The following BRSK2 variants were observed in gnomAD, a reference collection of about 807,000 sequenced individuals.
The protein encoded by BRSK2 is serine/threonine-protein kinase BRSK2.
BRSK2 carries 19 observed loss-of-function variants against 83.3 expected under a neutral mutation model. The observed-to-expected ratio is 0.23, with a 90% CI of 0.16 to 0.33. The LOEUF (loss-of-function observed/expected upper bound fraction) is 0.33. Among genes scored for constraint, BRSK2 ranks in the 10% least tolerant of loss-of-function variants. The probability of loss-of-function intolerance (pLI) is 1.00; values close to 1 mark genes in which losing one functional copy is unlikely to be tolerated. For synonymous variants in BRSK2, 519 were observed against 435.4 expected (o/e 1.19, Z -2.39); for missense variants, 798 against 1,042.3 (o/e 0.77, Z 3.23).
At position 1,438,013 on chromosome 11, in the gene BRSK2, GC is replaced by G. The variant is rs759796291; in HGVS notation, c.187-290del. The stretch of plus-strand genomic sequence containing the variant: ...CACCAGCCAGGGCCCCAGCTGAGCA[GC>G]CCACGTCCCTGCATCCCCCACAGCT... On this transcript the variant is annotated intron_variant, in intron 2 of 19. Coordinates refer to ENST00000528841, the MANE Select transcript of BRSK2 (RefSeq NM_001256627.2). This position sits in a 1 kb window ranked among gnomAD's most constrained non-coding sequence, Gnocchi z 6.4. Among the ~76,000 whole-genome samples the G allele has an allele frequency of 4.7e-4, 72 of 152,006 alleles. No individual in the cohort carries two copies. Among genetic ancestry groups the G allele is most frequent in the Non-Finnish European group, 9.1e-4 (62 of 67,966 alleles).
At chr11:1,392,967 G>A (rs1464880036) in intron 1 of BRSK2, among the ~76,000 whole-genome samples, 2 of 152,176 alleles carry the variant, frequency 1.3e-5, no homozygotes, top group East Asian at 3.9e-4. Flanking sequence ...AGCATCTGTG[G>A]AAGCCTCCTC....
chr11:1,426,574 G>A (rs1849255425), intron 1 of BRSK2, among the ~76,000 whole-genome samples: 1 of 152,136 alleles, frequency 6.6e-6, no homozygotes, highest in Non-Finnish European at 1.5e-5. Context: ...CTGGGAACTT[G>A]CAGAGGCCCT....
intron 13 of BRSK2, 115 bp downstream of exon 13, chr11:1,449,951 C>T (rs1845602447): frequency 2.9e-6 from 2 of 694,280 alleles, no homozygotes; most frequent in African/African-American, 1.8e-5. Flanking sequence ...CCCCAGGCGC[C>T]CCCCATGCCC....
chr11:1,415,435 T>C (rs981674444), intron 1 of BRSK2, among the ~76,000 whole-genome samples: 1 of 152,154 alleles, frequency 6.6e-6, no homozygotes, highest in Non-Finnish European at 1.5e-5. Flanking sequence ...TTTATTTTTC[T>C]GAGACAGGGT....
At chr11:1,412,894 T>G (rs1327669179) in intron 1 of BRSK2, among the ~76,000 whole-genome samples, 1 of 149,700 alleles carries the variant, frequency 6.7e-6, no homozygotes, top group Non-Finnish European at 1.5e-5. Context: ...GGCACAGTAG[T>G]GGCAGTCACT....
At chr11:1,411,785 T>G (rs917006043) in intron 1 of BRSK2, among the ~76,000 whole-genome samples, 4 of 152,174 alleles carry the variant, frequency 2.6e-5, no homozygotes, top group Non-Finnish European at 5.9e-5. Context: ...GTTCCTACGC[T>G]GGCGCTGCCT....
In BRSK2 at chr11:1,390,935, G is replaced by T. The variant is rs1372514331; in HGVS notation, c.91+560G>T. 6.6e-6 allele frequency among the ~76,000 whole-genome samples: 1 copy of T among 152,224 alleles called. No homozygotes were observed. Among genetic ancestry groups the T allele is most frequent in the Non-Finnish European group, 1.5e-5 (1 of 68,034 alleles). ...AGCGCCTTGCGCTGCTCCGGCTCGG[G>T]CTCGGGCGGGCGGAGCGTCTGTGAC... On this transcript the variant is annotated intron_variant, in intron 1 of 19. Transcript: ENST00000528841. This position sits in a 1 kb window ranked among gnomAD's most constrained non-coding sequence, Gnocchi z 6.8.
rs1323415330 is a variant in BRSK2 at position 1,443,471 on chromosome 11, A to C, written c.634-18A>C. 6.4e-7 allele frequency: 1 copy of C among 1,570,128 alleles called. No homozygotes were observed. The highest frequency in any genetic ancestry group is 8.6e-7 in the Non-Finnish European group (1 of 1,156,344). ...AACCTGCCCCCCCACGCTGACCCCC[A>C]CACCCGGCCGCCCGCAGGGGGCTCT... On this transcript the variant is annotated intron_variant, in intron 7 of 19. Coordinates refer to ENST00000528841, the MANE Select transcript of BRSK2 (RefSeq NM_001256627.2).
At chr11:1,446,003 G>T in intron 12 of BRSK2, 96 bp downstream of exon 12, 1 of 1,451,442 alleles carries the variant, frequency 6.9e-7, no homozygotes, top group Non-Finnish European at 9.1e-7. Context: ...CTGGGGTCTC[G>T]GCTGAGGCCA....
At chr11:1,458,206 G>A (rs907062786) in intron 18 of BRSK2, among the ~76,000 whole-genome samples, 2 of 152,032 alleles carry the variant, frequency 1.3e-5, no homozygotes, top group Non-Finnish European at 2.9e-5. Context: ...TGCCTCAGTC[G>A]AGCGCTCCTG....
intron 1 of BRSK2, among the ~76,000 whole-genome samples, chr11:1,406,466 T>C (rs941898496): frequency 1.1e-4 from 17 of 152,192 alleles, no homozygotes; most frequent in African/African-American, 3.9e-4. Flanking sequence ...AGCAAGACTC[T>C]GTCTCAATAA....
chr11:1,401,345 G>A (rs997654785), intron 1 of BRSK2, among the ~76,000 whole-genome samples: 1 of 152,232 alleles, frequency 6.6e-6, no homozygotes, highest in Non-Finnish European at 1.5e-5. Flanking sequence ...CCCGGGGTGC[G>A]GGTGCCCTCC....
intron 18 of BRSK2, among the ~76,000 whole-genome samples, chr11:1,457,352 C>T (rs1390073663): frequency 6.6e-6 from 1 of 152,228 alleles, no homozygotes; most frequent in Non-Finnish European, 1.5e-5. Flanking sequence ...TCCAGCAGGG[C>T]AGAGGGGCTT....
At chr11:1,427,621 G>A (rs558477374) in intron 1 of BRSK2, among the ~76,000 whole-genome samples, 4 of 152,368 alleles carry the variant, frequency 2.6e-5, no homozygotes, top group East Asian at 1.9e-4. Flanking sequence ...GTGAGCTGCT[G>A]TGCACCGCCT....
Position 1,461,292 on chromosome 11 carries a change from C to G in BRSK2, c.*569C>G. ...ACGTAGCCACAGGAACAGGCCCCGT[C>G]CACCGCCTCCACGCCGCACCTGGAG... On this transcript the variant is annotated 3_prime_UTR_variant, in exon 20 of 20. Transcript: ENST00000528841. The G allele has an allele frequency of 4.2e-6, 2 of 472,280 alleles. No homozygotes were observed. The highest frequency in any genetic ancestry group is 7.5e-6 in the Non-Finnish European group (2 of 266,102). The allele number at this position is 472,280 out of a possible 1,614,324, so 29.3% of individuals were successfully genotyped here. A position where few individuals can be genotyped will look rare whatever the true frequency, so the allele number is the denominator to read the frequency against.
At chr11:1,448,664 C>CGT (rs946921039) in intron 12 of BRSK2, among the ~76,000 whole-genome samples, 3 of 152,204 alleles carry the variant, frequency 2.0e-5, no homozygotes, top group African/African-American at 7.2e-5. Flanking sequence ...GAGGGCTGTC[C>CGT]GCGCTCCCAG....
At position 1,390,409 on chromosome 11, in the gene BRSK2, G is replaced by A. The variant is rs1301874165; in HGVS notation, c.91+34G>A. On this transcript the variant is annotated intron_variant, in intron 1 of 19. Coordinates refer to ENST00000528841, the MANE Select transcript of BRSK2 (RefSeq NM_001256627.2). The surrounding 1 kb of genome is among the most constrained non-coding windows in gnomAD (Gnocchi z 6.8). ...GGCCGGGGCGGGGACCGGGGCCGGGGAGGCCGCGCTGGCAGCGCGCTGGGT... is the reference window on the plus strand; with the variant it reads ...GGCCGGGGCGGGGACCGGGGCCGGGAAGGCCGCGCTGGCAGCGCGCTGGGT... The A allele has an allele frequency of 2.0e-6, 2 of 1,001,826 alleles. No individual in the cohort carries two copies. Among genetic ancestry groups the A allele is most frequent in the Non-Finnish European group, 2.4e-6 (2 of 833,922 alleles). 62.1% of individuals were successfully genotyped at this position (1,001,826 alleles called of 1,614,324 possible). A position where few individuals can be genotyped will look rare whatever the true frequency, so the allele number is the denominator to read the frequency against.
chr11:1,442,283 G>T (rs1395917193), intron 4 of BRSK2, among the ~76,000 whole-genome samples: 1 of 152,086 alleles, frequency 6.6e-6, no homozygotes, highest in Non-Finnish European at 1.5e-5. Flanking sequence ...GGAGAAACAG[G>T]GATGCCTGAC....
chr11:1,408,714 T>C (rs558173630), intron 1 of BRSK2, among the ~76,000 whole-genome samples: 2 of 152,216 alleles, frequency 1.3e-5, no homozygotes, highest in South Asian at 2.1e-4. Context: ...TGTGTGTGTG[T>C]GCACATCTGC....
Sources: gnomAD v4.1 joint callset for allele counts (sites outside exome capture counted in the v4.1 genomes callset) on GRCh38, gnomAD v4.1.1 for gene constraint, Gnocchi (gnomAD v3.1) non-coding constraint, MANE v1.5 for transcripts, NCBI Gene and HGNC (gene_info 2026-07-23, HGNC 2026-07-21) for gene names.